CSMD1: variants seen among roughly 807,000 people sequenced by gnomAD.
CSMD1 encodes CUB and sushi domain-containing protein 1.
In CSMD1, 213 loss-of-function variants were observed where a neutral mutation model predicts 417.5. The ratio of observed to expected loss-of-function variants is 0.51; its 90% CI spans 0.46 to 0.57. CSMD1 has a LOEUF of 0.57. Ranked by LOEUF, CSMD1 falls within the 20% of genes least tolerant of loss-of-function variation. CSMD1 has a pLI of 0.00. For synonymous variants in CSMD1, 2,862 were observed against 1,736.8 expected (o/e 1.65, Z -16.11); for missense variants, 6,923 against 4,529.7 (o/e 1.53, Z -15.17).
intron 54 of CSMD1, among the ~76,000 whole-genome samples, chr8:2,988,681 A>C (rs1480102343): frequency 6.6e-6 from 1 of 152,216 alleles, no homozygotes; most frequent in Admixed American, 6.5e-5. Context: ...ACTACTACTA[A>C]TAAAAGGGAT....
At chr8:4,488,826 C>T (rs956517148) in intron 2 of CSMD1, among the ~76,000 whole-genome samples, 6 of 152,142 alleles carry the variant, frequency 3.9e-5, no homozygotes, top group South Asian at 2.1e-4. Context: ...GCAAAGAGAT[C>T]GCCAGTTCCT....
chr8:2,982,523 CTG>C (rs1805511567), intron 54 of CSMD1, among the ~76,000 whole-genome samples: 1 of 152,180 alleles, frequency 6.6e-6, no homozygotes, highest in African/African-American at 2.4e-5. Context: ...CCTGAAAACA[CTG>C]TGTTTTGAGA....
At chr8:4,726,012 C>G (rs747309509) in intron 1 of CSMD1, among the ~76,000 whole-genome samples, 6 of 152,118 alleles carry the variant, frequency 3.9e-5, no homozygotes, top group Non-Finnish European at 5.9e-5. Context: ...TAAGAATTTT[C>G]TCATAATGGA....
At chr8:4,735,745 C>G (rs1466979095) in intron 1 of CSMD1, among the ~76,000 whole-genome samples, 2 of 152,216 alleles carry the variant, frequency 1.3e-5, no homozygotes, top group South Asian at 4.1e-4. Flanking sequence ...GAGAAAAGGA[C>G]TGTTAGTCTT....
At chr8:3,553,889 A>C (rs1799025985) in intron 10 of CSMD1, among the ~76,000 whole-genome samples, 4 of 152,218 alleles carry the variant, frequency 2.6e-5, no homozygotes, top group Admixed American at 2.6e-4. Context: ...CATATCCACA[A>C]CAGTCATATT....
At chr8:3,570,599 G>A (rs1195935447) in intron 10 of CSMD1, among the ~76,000 whole-genome samples, 1 of 152,132 alleles carries the variant, frequency 6.6e-6, no homozygotes, top group Non-Finnish European at 1.5e-5. Context: ...GAGCTGCAAT[G>A]CTATCACGGA....
intron 1 of CSMD1, among the ~76,000 whole-genome samples, chr8:4,946,254 C>T (rs1051422523): frequency 2.6e-5 from 4 of 152,148 alleles, no homozygotes; most frequent in Non-Finnish European, 4.4e-5. Context: ...GAGACTGATG[C>T]TTTTGGTCTT....
At chr8:3,479,051 C>G (rs1273546378) in intron 11 of CSMD1, among the ~76,000 whole-genome samples, 3 of 151,982 alleles carry the variant, frequency 2.0e-5, no homozygotes, top group East Asian at 3.9e-4. Flanking sequence ...GGAAATCCTT[C>G]TGCCCCCTCA....
intron 1 of CSMD1, among the ~76,000 whole-genome samples, chr8:4,809,019 C>G (rs756689168): frequency 1.3e-5 from 2 of 152,168 alleles, no homozygotes; most frequent in Non-Finnish European, 2.9e-5. Context: ...ATTGAGTTGT[C>G]TTGCCGAGTT....
At chr8:3,188,019 C>A in intron 35 of CSMD1, 54 bp from the exon 36 acceptor site, 3 of 1,411,170 alleles carry the variant, frequency 2.1e-6, no homozygotes, top group South Asian at 1.2e-5. Context: ...CACAATTAGT[C>A]TAATTAGATG....
intron 10 of CSMD1, among the ~76,000 whole-genome samples, chr8:3,557,920 T>C (rs1799227741): frequency 1.3e-5 from 2 of 152,268 alleles, no homozygotes; most frequent in South Asian, 2.1e-4. Context: ...ACTCCCTAAA[T>C]AAATAGTTTG....
intron 1 of CSMD1, among the ~76,000 whole-genome samples, chr8:4,940,207 C>A (rs1291600120): frequency 1.3e-5 from 2 of 152,022 alleles, no homozygotes; most frequent in African/African-American, 2.4e-5. Context: ...AAGATCCTGG[C>A]CACCCTAGTC....
chr8:4,012,481 T>C (rs562217290), intron 4 of CSMD1, among the ~76,000 whole-genome samples: 2 of 152,216 alleles, frequency 1.3e-5, no homozygotes, highest in African/African-American at 4.8e-5. Flanking sequence ...GTTACTTGCA[T>C]AAATCTTGTG....
intron 25 of CSMD1, among the ~76,000 whole-genome samples, chr8:3,289,966 C>G (rs1017219683): frequency 3.4e-5 from 5 of 147,530 alleles, no homozygotes; most frequent in Admixed American, 6.7e-5. Flanking sequence ...TTAGGTCTAA[C>G]ATTTAAGTCT....
chr8:3,030,250 G>T (rs1035373502), intron 50 of CSMD1, among the ~76,000 whole-genome samples: 3 of 151,958 alleles, frequency 2.0e-5, no homozygotes, highest in Non-Finnish European at 4.4e-5. Flanking sequence ...AGTCTGAGTT[G>T]TATGTGGGTA....
chr8:4,480,818 G>T (rs193097874), intron 2 of CSMD1, among the ~76,000 whole-genome samples: 1 of 152,114 alleles, frequency 6.6e-6, no homozygotes, highest in Admixed American at 6.5e-5. Flanking sequence ...TCCTGAGGCC[G>T]ACTGCCACAT....
rs1803928717 is a variant in CSMD1, at chr8:2,966,058, T to C, written c.9101-104A>G. 2.9e-6 allele frequency: 3 copies of C among 1,037,180 alleles called. No homozygotes were observed. In the Admixed American group the frequency reaches 6.4e-5, roughly 22 times the overall value. 64.2% of individuals were successfully genotyped at this position (1,037,180 alleles called of 1,614,324 possible). On this transcript the variant is annotated intron_variant, in intron 58 of 69. Coordinates refer to ENST00000635120, the MANE Select transcript of CSMD1 (RefSeq NM_033225.6). Reference sequence around the variant, plus strand: ...ACTCTCTCTGAGTTGCTATTCACAGTGGTTAAGCAGTGAATTAATACAGCA... The same window carrying C: ...ACTCTCTCTGAGTTGCTATTCACAGCGGTTAAGCAGTGAATTAATACAGCA...
intron 1 of CSMD1, among the ~76,000 whole-genome samples, chr8:4,651,650 TA>T (rs1480840355): frequency 6.6e-6 from 1 of 152,218 alleles, no homozygotes; most frequent in Non-Finnish European, 1.5e-5. Context: ...TCTTCTGGGA[TA>T]ATTCTCTTTC....
At chr8:3,051,422 A>T (rs1431969521) in intron 50 of CSMD1, among the ~76,000 whole-genome samples, 1 of 152,202 alleles carries the variant, frequency 6.6e-6, no homozygotes, top group Non-Finnish European at 1.5e-5. Context: ...AGAAGGCAGC[A>T]ACAGACACTG....
Sources: gnomAD v4.1 joint callset for allele counts (sites outside exome capture counted in the v4.1 genomes callset) on GRCh38, gnomAD v4.1.1 for gene constraint, MANE v1.5 for transcripts, NCBI Gene and HGNC (gene_info 2026-07-23, HGNC 2026-07-21) for gene names.